Variants in ZFHX3 observed in about 807,000 individuals in gnomAD.
ZFHX3 encodes the protein zinc finger homeobox protein 3.
Under a neutral mutation model 279.1 loss-of-function variants are expected in ZFHX3, and 42 were observed. The ratio of observed to expected loss-of-function variants is 0.15; its 90% CI spans 0.12 to 0.19. The LOEUF (loss-of-function observed/expected upper bound fraction) is 0.19, where lower values mean the gene tolerates loss of function less well. Ranked by LOEUF, ZFHX3 falls within the 10% of genes least tolerant of loss-of-function variation. The pLI, the probability that ZFHX3 is intolerant of heterozygous loss-of-function variation, is 1.00. For synonymous variants in ZFHX3, 2,293 were observed against 1,957.8 expected (o/e 1.17, Z -4.52); for missense variants, 4,981 against 4,754.0 (o/e 1.05, Z -1.40).
chr16:73,339,426 A>G (rs2015986263), intron 3 of ZFHX3, among the ~76,000 whole-genome samples: 1 of 152,240 alleles, frequency 6.6e-6, no homozygotes, highest in Admixed American at 6.5e-5. Context: ...GGAGCTGCTC[A>G]ACAGGTATTT....
At chr16:73,434,545 T>C (rs771930743) in intron 3 of ZFHX3, among the ~76,000 whole-genome samples, 1 of 152,174 alleles carries the variant, frequency 6.6e-6, no homozygotes, top group Non-Finnish European at 1.5e-5. Flanking sequence ...AATTTCAAGT[T>C]CCTGGCTTCT....
intron 3 of ZFHX3, among the ~76,000 whole-genome samples, chr16:73,394,209 A>T (rs1165263262): frequency 6.7e-6 from 1 of 148,556 alleles, no homozygotes; most frequent in Non-Finnish European, 1.5e-5. Context: ...GCAGGTTAAG[A>T]GCGTTTCCAG....
At chr16:73,445,421 G>C (rs1471922712) in intron 3 of ZFHX3, among the ~76,000 whole-genome samples, 1 of 151,726 alleles carries the variant, frequency 6.6e-6, no homozygotes, top group Admixed American at 6.6e-5. Context: ...TATTTCCCCT[G>C]ACTTTTTCAT....
chr16:73,349,310 C>T (rs969515619), intron 3 of ZFHX3, among the ~76,000 whole-genome samples: 2 of 152,136 alleles, frequency 1.3e-5, no homozygotes, highest in Admixed American at 6.5e-5. Context: ...ACACTGCAAC[C>T]CTGACACCTA....
chr16:72,862,879 T>C (rs574597407), intron 4 of ZFHX3, among the ~76,000 whole-genome samples: 3 of 152,060 alleles, frequency 2.0e-5, no homozygotes, highest in African/African-American at 4.8e-5. Context: ...AAAGAGACTT[T>C]AGAGACATAT....
At chr16:73,440,082 A>C (rs2143534812) in intron 3 of ZFHX3, among the ~76,000 whole-genome samples, 1 of 152,212 alleles carries the variant, frequency 6.6e-6, no homozygotes, top group African/African-American at 2.4e-5. Flanking sequence ...ATTGATGGAA[A>C]CAGTACACAA....
intron 5 of ZFHX3, among the ~76,000 whole-genome samples, chr16:73,242,361 C>T (rs2013148686): frequency 6.6e-6 from 1 of 152,162 alleles, no homozygotes; most frequent in South Asian, 2.1e-4. Context: ...CACCCCCACA[C>T]CCACCCCATT....
At chr16:73,645,060 T>C (rs1474867336) in intron 2 of ZFHX3, among the ~76,000 whole-genome samples, 1 of 152,202 alleles carries the variant, frequency 6.6e-6, no homozygotes, top group Non-Finnish European at 1.5e-5. Context: ...GGGTCCATGT[T>C]AAATTTGCCA....
chr16:72,951,374 C>A (rs1177711639), intron 2 of ZFHX3, among the ~76,000 whole-genome samples: 1 of 152,064 alleles, frequency 6.6e-6, no homozygotes, highest in Admixed American at 6.6e-5. Context: ...GATTCTCCTG[C>A]CTCAGCCTCC....
chr16:72,788,062 G>T lies in ZFHX3; in HGVS notation c.10214C>A (p.Pro3405His), dbSNP rs147783276. Reference protein sequence around the residue: ...QPKASQTPVPPGAPSPDKDPA... With the variant: ...QPKASQTPVPHGAPSPDKDPA... ...GTCTTTGTCTGGGGAAGGAGCCCCG[G>T]GGGGGACTGGGGTTTGGCTTGCTTT... The change falls in exon 10 of 10, where the codon CCC becomes CAC. Residue 3405 changes from proline (P) to histidine (H), a missense_variant. Pro to His is a moderately conservative substitution (Grantham distance 77, BLOSUM62 -2). Coordinates refer to ENST00000268489, the MANE Select transcript of ZFHX3 (RefSeq NM_006885.4). 2 of 1,611,926 alleles carry T rather than the reference G, an allele frequency of 1.2e-6. No homozygotes were observed. Among genetic ancestry groups the T allele is most frequent in the Admixed American group, 1.7e-5 (1 of 60,018 alleles).
chr16:73,035,427 CTT>C lies in ZFHX3; in HGVS notation c.-50+12323_-50+12324del, dbSNP rs202053672. Among the ~76,000 whole-genome samples, 4 of 152,286 alleles carry C rather than the reference CTT, an allele frequency of 2.6e-5. No homozygotes were observed. The East Asian group carries it at 7.7e-4, about 29-fold the overall frequency. On this transcript the variant is annotated intron_variant, in intron 1 of 9. Coordinates refer to ENST00000268489, the MANE Select transcript of ZFHX3 (RefSeq NM_006885.4). ...TGTTCTCGGATATGACTGAGACAGA[CTT>C]CTCTTGTCTGTCTTGAACATCTCCC...
chr16:72,990,006 C>T (rs564394825), intron 1 of ZFHX3, among the ~76,000 whole-genome samples: 2 of 152,168 alleles, frequency 1.3e-5, no homozygotes, highest in Non-Finnish European at 2.9e-5. Context: ...ACAGCCAATT[C>T]GCTGGCCCTC....
At chr16:73,531,865 G>T (rs1442090731) in intron 2 of ZFHX3, among the ~76,000 whole-genome samples, 1 of 152,080 alleles carries the variant, frequency 6.6e-6, no homozygotes, top group Non-Finnish European at 1.5e-5. Flanking sequence ...GAGGCAGGAA[G>T]ATTGCTTAAG....
At chr16:73,556,307 G>T (rs527612465) in intron 2 of ZFHX3, among the ~76,000 whole-genome samples, 42 of 152,228 alleles carry the variant, frequency 2.8e-4, no homozygotes, top group Middle Eastern at 3.4e-3. Flanking sequence ...AGGAGAGAAC[G>T]AAAGGAGTGG....
chr16:73,109,937 C>G (rs761001433), intron 7 of ZFHX3, among the ~76,000 whole-genome samples: 1 of 152,034 alleles, frequency 6.6e-6, no homozygotes, highest in Non-Finnish European at 1.5e-5. Context: ...ACTAATGATA[C>G]GACATTAAAG....
intron 5 of ZFHX3, among the ~76,000 whole-genome samples, chr16:73,172,596 G>C (rs1967554805): frequency 6.6e-6 from 1 of 152,216 alleles, no homozygotes. Flanking sequence ...TAGCTCTATA[G>C]AGCGTGGGGG....
intron 1 of ZFHX3, among the ~76,000 whole-genome samples, chr16:73,817,829 T>C (rs1170447229): frequency 6.6e-6 from 1 of 152,178 alleles, no homozygotes; most frequent in African/African-American, 2.4e-5. Context: ...ACTTGAAAGG[T>C]CTGGTGAATT....
chr16:73,851,730 A>T (rs141184688), intron 1 of ZFHX3, among the ~76,000 whole-genome samples: 129 of 152,342 alleles, frequency 8.5e-4, no homozygotes, highest in African/African-American at 2.9e-3. Flanking sequence ...TCAAACATAC[A>T]TACTAAATTG....
At chr16:72,996,633 G>T (rs78884723) in intron 1 of ZFHX3, among the ~76,000 whole-genome samples, 5,905 of 152,342 alleles carry the variant, frequency 0.039, 155 homozygotes, top group East Asian at 0.094. Context: ...GAGGGGCTGG[G>T]GGCGTGGGAA....
Sources: allele counts gnomAD v4.1 joint callset (sites outside exome capture counted in the v4.1 genomes callset), GRCh38; gene constraint gnomAD v4.1.1; transcripts MANE v1.5; gene names NCBI Gene and HGNC (gene_info 2026-07-23, HGNC 2026-07-21).